The following IL17RC variants were observed in gnomAD, a reference collection of about 807,000 sequenced individuals.
The protein encoded by IL17RC is interleukin 17 receptor C.
IL17RC carries 53 observed loss-of-function variants against 86.7 expected under a neutral mutation model. The ratio of observed to expected loss-of-function variants is 0.61; its 90% CI spans 0.49 to 0.77. The LOEUF is 0.77. Ranked by LOEUF, IL17RC falls within the 30% of genes least tolerant of loss-of-function variation. The pLI is 0.00. For missense variants in IL17RC, 957 were observed against 940.0 expected, an observed-to-expected ratio of 1.02 and a Z score of -0.24; for synonymous variants, 439 against 413.1, an observed-to-expected ratio of 1.06 and a Z score of -0.76.
At chr3:9,921,377 C>T (rs983571328) in intron 7 of IL17RC, among the ~76,000 whole-genome samples, 1 of 151,992 alleles carries the variant, frequency 6.6e-6, no homozygotes, top group Admixed American at 6.6e-5. Context: ...ATCACTTGAG[C>T]CTGGGAGGCA....
At chr3:9,931,593 G>A (rs2084707134) in intron 16 of IL17RC, among the ~76,000 whole-genome samples, 1 of 150,986 alleles carries the variant, frequency 6.6e-6, no homozygotes, top group Non-Finnish European at 1.5e-5. Flanking sequence ...TGCAACCTCT[G>A]CCTCCCGGGT....
At chr3:9,922,431 C>A (rs1340183565) in intron 7 of IL17RC, among the ~76,000 whole-genome samples, 1 of 152,204 alleles carries the variant, frequency 6.6e-6, no homozygotes, top group Admixed American at 6.5e-5. Flanking sequence ...AAAGACTATT[C>A]AACACCAGAG....
intron 9 of IL17RC, among the ~76,000 whole-genome samples, chr3:9,926,542 T>G (rs7627060): frequency 0.14 from 21,766 of 152,212 alleles, 2,340 homozygotes; most frequent in African/African-American, 0.3. Flanking sequence ...AAATCATATC[T>G]AATTCAAATG....
Position 9,930,631 on chromosome 3 carries a change from A to C in IL17RC, c.1338+172A>C. The C allele has an allele frequency of 2.8e-6, 2 of 716,588 alleles. No individual in the cohort carries two copies. Among genetic ancestry groups the C allele is most frequent in the Admixed American group, 2.6e-5 (1 of 38,462 alleles). The allele number at this position is 716,588 out of a possible 1,614,324, so 44.4% of individuals were successfully genotyped here. A position where few individuals can be genotyped will look rare whatever the true frequency, so the allele number is the denominator to read the frequency against. ...GCACACTGTTGGCTAGACACCCATAAACAGATAACCACACCTACAGGTGCT... is the reference window on the plus strand; with the variant it reads ...GCACACTGTTGGCTAGACACCCATACACAGATAACCACACCTACAGGTGCT... On this transcript the variant is annotated intron_variant, in intron 15 of 18. Coordinates refer to ENST00000403601, the MANE Select transcript of IL17RC (RefSeq NM_153460.4). This position sits in a 1 kb window ranked among gnomAD's most constrained non-coding sequence, Gnocchi z 5.8.
intron 7 of IL17RC, among the ~76,000 whole-genome samples, chr3:9,922,494 T>C (rs188150154): frequency 6.6e-6 from 1 of 152,326 alleles, no homozygotes; most frequent in African/African-American, 2.4e-5. Context: ...CTTCATTAAG[T>C]AGACATTGAT....
intron 16 of IL17RC, among the ~76,000 whole-genome samples, chr3:9,931,647 T>C (rs2125295734): frequency 6.6e-6 from 1 of 151,572 alleles, no homozygotes; most frequent in East Asian, 1.9e-4. Context: ...CTGGGATTAA[T>C]AGGCGCCTGC....
In IL17RC at chr3:9,933,546, C is replaced by G. The variant is rs759564350; in HGVS notation, c.2116C>G (p.Arg706Gly). The G allele has an allele frequency of 1.2e-6, 2 of 1,606,912 alleles. No individual in the cohort carries two copies. Among genetic ancestry groups the G allele is most frequent in the East Asian group, 2.2e-5 (1 of 44,656 alleles). The change falls in exon 19 of 19, where the codon CGC (arginine) becomes GGC (glycine). Residue 706 changes from arginine to glycine, a missense_variant. By Grantham distance (125) the Arg-to-Gly change is moderately radical. Transcript: ENST00000403601. ...FHPPGTPAPG[R>G]GVGPGAGPGA... ...TCCCCCGGGGACTCCCGCGCCGGGA[C>G]GCGGGGTGGGACCAGGCGCGGGACC... is the stretch of plus-strand genomic sequence containing the variant.
rs947423363 is a variant in IL17RC at position 9,931,500 on chromosome 3, T to C, written c.1387+557T>C. ...ATATATATATATATATATATATATA[T>C]ATACTTATTTTTTTATTTATTTTTG... On this transcript the variant is annotated intron_variant, in intron 16 of 18. Coordinates refer to ENST00000403601, the MANE Select transcript of IL17RC (RefSeq NM_153460.4). Among the ~76,000 whole-genome samples, 10 of 148,262 alleles carry C rather than the reference T, an allele frequency of 6.7e-5. No individual in the cohort carries two copies. In the South Asian group the frequency reaches 8.5e-4, roughly 13 times the overall value.
At chr3:9,918,862 G>T (rs2083318518) in intron 5 of IL17RC, among the ~76,000 whole-genome samples, 1 of 152,152 alleles carries the variant, frequency 6.6e-6, no homozygotes, top group Non-Finnish European at 1.5e-5. Flanking sequence ...TTTTATGTCT[G>T]TAAAATGGGG....
chr3:9,917,744 C>A lies in IL17RC; in HGVS notation c.127+10C>A, dbSNP rs747559069. 1 of 1,613,654 alleles carries A rather than the reference C, an allele frequency of 6.2e-7. No homozygotes were observed. ...TCCTGCCGCCTCTGGGGTAAGTATCCCTACTTTTAAAAAGAATTTCCCAGG... is the reference window on the plus strand; with the variant it reads ...TCCTGCCGCCTCTGGGGTAAGTATCACTACTTTTAAAAAGAATTTCCCAGG... On this transcript the variant is annotated intron_variant, in intron 2 of 18. Transcript: ENST00000403601.
In IL17RC at chr3:9,933,286, A is replaced by T; in HGVS notation, c.1856A>T (p.Asp619Val). ...GCCTCGCTCAGCTGCGTGCTGCCCG[A>T]CTTCTTGCAGGGCCGGGCGCCCGGC... Reference protein sequence around the residue: ...FRASLSCVLPDFLQGRAPGSY... With the variant: ...FRASLSCVLPVFLQGRAPGSY... Residue 619 changes from aspartate (D) to valine (V), a missense_variant, in exon 19 of 19, where the codon GAC becomes GTC. Physicochemically the swap from Asp to Val is radical, Grantham distance 152. Coordinates refer to ENST00000403601, the MANE Select transcript of IL17RC (RefSeq NM_153460.4). 6.2e-7 allele frequency: 1 copy of T among 1,604,766 alleles called. No individual in the cohort carries two copies. Among genetic ancestry groups the T allele is most frequent in the Non-Finnish European group, 8.5e-7 (1 of 1,175,878 alleles).
At chr3:9,927,553 A>G (rs1238739790) in intron 9 of IL17RC, among the ~76,000 whole-genome samples, 2 of 151,996 alleles carry the variant, frequency 1.3e-5, no homozygotes, top group African/African-American at 4.8e-5. Context: ...GTGAGATTCC[A>G]TCTCAAAAAA....
chr3:9,920,932 G>C lies in IL17RC; in HGVS notation c.585G>C (p.Arg195Ser). 6.2e-7 allele frequency: 1 copy of C among 1,607,572 alleles called. No homozygotes were observed. The highest frequency in any genetic ancestry group is 8.5e-7 in the Non-Finnish European group (1 of 1,178,040). Residue 195 changes from arginine (R) to serine (S), a missense_variant, in exon 7 of 19, where the codon AGG becomes AGC. By Grantham distance (110) the Arg-to-Ser change is moderately radical. Transcript: ENST00000403601. ...LNHTQQLPDC[R>S]GLEVWNSIPS... ...TCTGTGATCTCTCCTCAGACTGCAG[G>C]GGGCTCGAAGTCTGGAACAGCATCC...
intron 9 of IL17RC, among the ~76,000 whole-genome samples, chr3:9,927,762 G>A (rs2084226493): frequency 6.6e-6 from 1 of 151,998 alleles, no homozygotes; most frequent in Non-Finnish European, 1.5e-5. Flanking sequence ...TCAATGTGGT[G>A]AAACCCCATC....
At chr3:9,920,840 TA>T in intron 6 of IL17RC, 84 bp from the exon 7 acceptor site, 1 of 1,065,264 alleles carries the variant, frequency 9.4e-7, no homozygotes, top group Non-Finnish European at 1.4e-6. Context: ...GAGCCATTCC[TA>T]ATGCCCCCCT....
intron 16 of IL17RC, among the ~76,000 whole-genome samples, chr3:9,931,502 T>TAC (rs1553593668): frequency 1.4e-4 from 20 of 145,132 alleles, no homozygotes; most frequent in African/African-American, 5.2e-4. Context: ...TATATATATA[T>TAC]ACTTATTTTT....
At chr3:9,931,019 C>A in intron 16 of IL17RC, 76 bp downstream of exon 16, 1 of 1,128,302 alleles carries the variant, frequency 8.9e-7, no homozygotes, top group Non-Finnish European at 1.4e-6. Context: ...TTGGGCACAG[C>A]ACATGCAATG....
chr3:9,923,453 T>A (rs1194103745), intron 7 of IL17RC, among the ~76,000 whole-genome samples: 3 of 150,548 alleles, frequency 2.0e-5, no homozygotes, highest in Non-Finnish European at 1.5e-5. Flanking sequence ...CTCGGGTGGC[T>A]GAGGCAAGAG....
chr3:9,922,248 GC>G (rs1417193561), intron 7 of IL17RC, among the ~76,000 whole-genome samples: 1 of 152,182 alleles, frequency 6.6e-6, no homozygotes, highest in Non-Finnish European at 1.5e-5. Flanking sequence ...GCCACGTCCG[GC>G]CAATTTGTTT....
Sources: allele counts gnomAD v4.1 joint callset (sites outside exome capture counted in the v4.1 genomes callset), GRCh38; gene constraint gnomAD v4.1.1; non-coding constraint Gnocchi (gnomAD v3.1); transcripts MANE v1.5; gene names NCBI Gene and HGNC (gene_info 2026-07-23, HGNC 2026-07-21).